SMARCAD1: variants seen among roughly 807,000 people sequenced by gnomAD.
SMARCAD1 encodes the protein SNF2 related chromatin remodeling ATPase with DExD box 1.
In SMARCAD1, 25 loss-of-function variants were observed where a neutral mutation model predicts 127.1. The observed-to-expected ratio is 0.20, with a 90% CI of 0.14 to 0.27. SMARCAD1 has a LOEUF of 0.27. Ranked by LOEUF, SMARCAD1 falls within the 10% of genes least tolerant of loss-of-function variation. SMARCAD1 has a pLI of 1.00. For missense variants in SMARCAD1, 807 were observed against 1,206.0 expected (o/e 0.67, Z 4.90); for synonymous variants, 400 against 396.9 (o/e 1.01, Z -0.09).
At chr4:94,221,297 A>G (rs1203782972) in intron 2 of SMARCAD1, among the ~76,000 whole-genome samples, 2 of 152,214 alleles carry the variant, frequency 1.3e-5, no homozygotes, top group East Asian at 3.8e-4. Flanking sequence ...GTATTTTCCA[A>G]ATGACCAAAG....
chr4:94,259,703 A>G (rs1276020395), intron 9 of SMARCAD1, among the ~76,000 whole-genome samples: 1 of 152,190 alleles, frequency 6.6e-6, no homozygotes, highest in Non-Finnish European at 1.5e-5. Context: ...TTAAGCACAC[A>G]GTGTTATAAT....
chr4:94,268,645 C>G (rs559372547), intron 10 of SMARCAD1, among the ~76,000 whole-genome samples: 1 of 152,186 alleles, frequency 6.6e-6, no homozygotes, highest in African/African-American at 2.4e-5. Context: ...TGGATCACAC[C>G]TGGATTGGAT....
chr4:94,284,704 A>G (rs1372788835), intron 22 of SMARCAD1, among the ~76,000 whole-genome samples: 1 of 150,814 alleles, frequency 6.6e-6, no homozygotes, highest in Non-Finnish European at 1.5e-5. Flanking sequence ...AAGTGCTGGG[A>G]TTAGAGGCAT....
chr4:94,234,459 A>G (rs912189389), intron 4 of SMARCAD1, among the ~76,000 whole-genome samples: 3 of 152,220 alleles, frequency 2.0e-5, no homozygotes, highest in Non-Finnish European at 4.4e-5. Context: ...CACAACTGTG[A>G]CAAGGGTTTT....
At chr4:94,228,733 G>C (rs1041155355) in intron 3 of SMARCAD1, among the ~76,000 whole-genome samples, 1 of 151,598 alleles carries the variant, frequency 6.6e-6, no homozygotes, top group Non-Finnish European at 1.5e-5. Flanking sequence ...ACTACAGTTG[G>C]AGAACTAGCA....
At chr4:94,254,360 C>T (rs901990244) in intron 9 of SMARCAD1, among the ~76,000 whole-genome samples, 2 of 152,016 alleles carry the variant, frequency 1.3e-5, no homozygotes, top group African/African-American at 4.8e-5. Flanking sequence ...TTGGGTTGCT[C>T]AGGCTTGTTG....
At chr4:94,227,737 A>G (rs535189978) in intron 3 of SMARCAD1, among the ~76,000 whole-genome samples, 5 of 152,318 alleles carry the variant, frequency 3.3e-5, no homozygotes, top group African/African-American at 9.6e-5. Flanking sequence ...ACACTCCTAG[A>G]CGTCTAAATG....
Position 94,264,812 on chromosome 4 carries a change from G to C in SMARCAD1, c.1387G>C (p.Glu463Gln). 6.2e-7 allele frequency: 1 copy of C among 1,612,804 alleles called. No individual in the cohort carries two copies. The highest frequency in any genetic ancestry group is 2.2e-5 in the East Asian group (1 of 44,790). ...AGTTATAAGGCTTATGAACAAATGT[G>C]AAGACATTTCAAATAAATTGACCAA... Reference protein sequence around the residue: ...DVVIRLMNKCEDISNKLTKQV... With the variant: ...DVVIRLMNKCQDISNKLTKQV... The change falls in exon 10 of 24, where the codon GAA (glutamate) becomes CAA (glutamine). Residue 463 changes from glutamate to glutamine, a missense_variant. Physicochemically the swap from Glu to Gln is conservative, Grantham distance 29. Transcript: ENST00000354268.
At chr4:94,238,728 G>A (rs528526091) in intron 5 of SMARCAD1, among the ~76,000 whole-genome samples, 4 of 152,134 alleles carry the variant, frequency 2.6e-5, no homozygotes, top group Non-Finnish European at 5.9e-5. Context: ...ATACATTCTT[G>A]CTCTCACATT....
At chr4:94,265,300 C>G (rs540574295) in intron 10 of SMARCAD1, among the ~76,000 whole-genome samples, 75 of 151,888 alleles carry the variant, frequency 4.9e-4, no homozygotes, top group Non-Finnish European at 8.7e-4. Context: ...CTTTCCTAGC[C>G]CATTTTCTTT....
At chr4:94,246,813 C>CT (rs761792537) in intron 6 of SMARCAD1, among the ~76,000 whole-genome samples, 1 of 152,158 alleles carries the variant, frequency 6.6e-6, no homozygotes, top group Non-Finnish European at 1.5e-5. Flanking sequence ...GAAAGTTACT[C>CT]TAACTCTGAA....
intron 2 of SMARCAD1, among the ~76,000 whole-genome samples, chr4:94,225,089 C>A (rs781656035): frequency 1.6e-4 from 25 of 152,142 alleles, no homozygotes; most frequent in Non-Finnish European, 3.4e-4. Flanking sequence ...TTGGAATTTA[C>A]CCCTTGGAGA....
At chr4:94,281,028 A>G (rs1449775207) in intron 20 of SMARCAD1, among the ~76,000 whole-genome samples, 1 of 152,180 alleles carries the variant, frequency 6.6e-6, no homozygotes, top group Non-Finnish European at 1.5e-5. Flanking sequence ...CTTAATTGTC[A>G]TTATTTCATA....
chr4:94,209,904 A>C (rs1741921663), intron 2 of SMARCAD1, among the ~76,000 whole-genome samples: 1 of 152,230 alleles, frequency 6.6e-6, no homozygotes, highest in Non-Finnish European at 1.5e-5. Context: ...CAGGAAAGCC[A>C]AGGTGTAGAC....
At chr4:94,213,848 G>A (rs528694715) in intron 2 of SMARCAD1, among the ~76,000 whole-genome samples, 1 of 152,222 alleles carries the variant, frequency 6.6e-6, no homozygotes, top group South Asian at 2.1e-4. Flanking sequence ...GGTAGTAGAT[G>A]GTTGAATATT....
At chr4:94,257,107 G>A (rs906458292) in intron 9 of SMARCAD1, among the ~76,000 whole-genome samples, 10 of 152,106 alleles carry the variant, frequency 6.6e-5, no homozygotes, top group Non-Finnish European at 1.3e-4. Flanking sequence ...AGTCACTTGA[G>A]TTTTTAATGA....
chr4:94,279,307 C>T (rs1329767712), intron 19 of SMARCAD1, among the ~76,000 whole-genome samples: 3 of 152,088 alleles, frequency 2.0e-5, no homozygotes, highest in African/African-American at 4.8e-5. Context: ...CCACCATGCC[C>T]GGCTAATTTT....
chr4:94,226,390 TTTTTTTTTTTTC>T (rs1744997028), intron 3 of SMARCAD1, 94 bp downstream of exon 3: 3 of 874,974 alleles, frequency 3.4e-6, no homozygotes, highest in East Asian at 2.7e-5. Context: ...TGACTTCCCT[TTTTTTTTTTTTC>T]TTTTTTTTTT....
Position 94,234,218 on chromosome 4 carries a change from T to C in SMARCAD1, c.537+96T>C, listed in dbSNP as rs566987542. ...GTGGATAGTCATTTTTCTAAAGATA[T>C]CTTACGTTTGAAGATATTAACTATT... On this transcript the variant is annotated intron_variant, in intron 4 of 23. Coordinates refer to ENST00000354268, the MANE Select transcript of SMARCAD1 (RefSeq NM_020159.5). 1.6e-5 allele frequency: 18 copies of C among 1,136,364 alleles called. No homozygotes were observed. In the East Asian group the frequency reaches 3.6e-4, roughly 23 times the overall value. The allele number at this position is 1,136,364 out of a possible 1,614,324, so 70.4% of individuals were successfully genotyped here. A position where few individuals can be genotyped will look rare whatever the true frequency, so the allele number is the denominator to read the frequency against.
Sources: gnomAD v4.1 joint callset for allele counts (sites outside exome capture counted in the v4.1 genomes callset) on GRCh38, gnomAD v4.1.1 for gene constraint, MANE v1.5 for transcripts, NCBI Gene and HGNC (gene_info 2026-07-23, HGNC 2026-07-21) for gene names.